The following BCAT2 variants were observed in gnomAD, a reference collection of about 807,000 sequenced individuals.
BCAT2 encodes branched-chain-amino-acid aminotransferase, mitochondrial.
Under a neutral mutation model 52.9 loss-of-function variants are expected in BCAT2, and 44 were observed. The ratio of observed to expected loss-of-function variants is 0.83; its 90% confidence interval spans 0.65 to 1.07. BCAT2 has a LOEUF of 1.07. Ranked by LOEUF, BCAT2 falls within the 50% of genes least tolerant of loss-of-function variation. The probability of loss-of-function intolerance (pLI) is 0.00; values close to 1 mark genes in which losing one functional copy is unlikely to be tolerated. For synonymous variants in BCAT2, 215 were observed against 217.1 expected (o/e 0.99, Z 0.08); for missense variants, 478 against 521.8 (o/e 0.92, Z 0.82).
intron 1 of BCAT2, chr19:48,808,390 C>G (rs7256054): frequency 2.7e-6 from 1 of 374,998 alleles, no homozygotes; most frequent in Non-Finnish European, 3.6e-6. Flanking sequence ...CAGAAAGGGG[C>G]GCACAAACAG....
Position 48,807,159 on chromosome 19 carries a change from G to C in BCAT2, c.25-85C>G. The C allele has an allele frequency of 8.6e-7, 1 of 1,163,300 alleles. No individual in the cohort carries two copies. The highest frequency in any genetic ancestry group is 1.2e-6 in the Non-Finnish European group (1 of 806,784). The allele number at this position is 1,163,300 out of a possible 1,614,324, so 72.1% of individuals were successfully genotyped here. The stretch of plus-strand genomic sequence containing the variant: ...TCGCTCGCCACCTCCTGCACTTGGA[G>C]GTCCCACTGGCCTGCCTGTTCTGTC... On this transcript the variant is annotated intron_variant, in intron 1 of 10. Transcript: ENST00000316273. The surrounding 1 kb of genome is among the most constrained non-coding windows in gnomAD (Gnocchi z 4.6).
At position 48,799,495 on chromosome 19, in the gene BCAT2, TC is replaced by T; in HGVS notation, c.695+179del. 1 of 773,444 alleles carries T rather than the reference TC, an allele frequency of 1.3e-6. No homozygotes were observed. Among genetic ancestry groups the T allele is most frequent in the Non-Finnish European group, 1.9e-6 (1 of 529,118 alleles). 47.9% of individuals were successfully genotyped at this position (773,444 alleles called of 1,614,324 possible). A position where few individuals can be genotyped will look rare whatever the true frequency, so the allele number is the denominator to read the frequency against. On this transcript the variant is annotated intron_variant, in intron 6 of 10. Coordinates refer to ENST00000316273, the MANE Select transcript of BCAT2 (RefSeq NM_001190.4). The surrounding 1 kb of genome is among the most constrained non-coding windows in gnomAD (Gnocchi z 5.5). ...GTCCATCTGAAAAATAATCCCCTCCTCCTTCCTTCCATGGTTTGTTTTCAGG... is the reference window on the plus strand; with the variant it reads ...GTCCATCTGAAAAATAATCCCCTCCTCTTCCTTCCATGGTTTGTTTTCAGG...
In BCAT2 at chr19:48,805,351, C is replaced by T. The variant is rs114001369; in HGVS notation, c.300+1166G>A. Among the ~76,000 whole-genome samples the T allele has an allele frequency of 7.9e-4, 120 of 152,250 alleles. 1 individual carries two copies. The highest frequency in any genetic ancestry group is 2.8e-3 in the African/African-American group (115 of 41,540). On this transcript the variant is annotated intron_variant, in intron 3 of 10. Coordinates refer to ENST00000316273, the MANE Select transcript of BCAT2 (RefSeq NM_001190.4). ...CTGGTCACCAGCCCGGCTTCCTAGC[C>T]TGCAACTCTTGCCCTCCACATGGCC...
Position 48,799,800 on chromosome 19 carries a change from C to T in BCAT2, c.570G>A (p.Leu190=). Residue 190 remains leucine, a synonymous_variant, in exon 6 of 11, where the codon CTG becomes CTA. Coordinates refer to ENST00000316273, the MANE Select transcript of BCAT2 (RefSeq NM_001190.4). This position sits in a 1 kb window ranked among gnomAD's most constrained non-coding sequence, Gnocchi z 5.5. ...LGVSQPTRAL[L]FVILCPVGAY... ...CACCCACTGGGCAGAGAATGACGAA[C>T]AGGAGCGCGCGCGTGGGCTGGCTGA... The T allele has an allele frequency of 6.4e-7, 1 of 1,560,968 alleles. No individual in the cohort carries two copies.
Position 48,807,350 on chromosome 19 carries a change from G to T in BCAT2, c.25-276C>A. 2.7e-6 allele frequency: 1 copy of T among 372,804 alleles called. No individual in the cohort carries two copies. The highest frequency in any genetic ancestry group is 4.9e-6 in the Non-Finnish European group (1 of 202,962). 23.1% of individuals were successfully genotyped at this position (372,804 alleles called of 1,614,324 possible). A position where few individuals can be genotyped will look rare whatever the true frequency, so the allele number is the denominator to read the frequency against. ...CCTCCCACCCCAGAGACCTTTGGTC[G>T]CAGCCTGGAGATCAGCTCAGACAAG... On this transcript the variant is annotated intron_variant, in intron 1 of 10. Transcript: ENST00000316273. This position sits in a 1 kb window ranked among gnomAD's most constrained non-coding sequence, Gnocchi z 4.6.
At position 48,795,184 on chromosome 19, in the gene BCAT2, T is replaced by C. The variant is rs2034469918; in HGVS notation, c.*242A>G. On this transcript the variant is annotated 3_prime_UTR_variant, in exon 11 of 11. Coordinates refer to ENST00000316273, the MANE Select transcript of BCAT2 (RefSeq NM_001190.4). ...CGGAATCGGGGCCAAGGTGTATCCT[T>C]GACCGCACGACAAGGAGTAATGGGC... 1.0e-5 allele frequency: 6 copies of C among 596,318 alleles called. No individual in the cohort carries two copies. The highest frequency in any genetic ancestry group is 3.0e-6 in the Non-Finnish European group (1 of 332,612). 36.9% of individuals were successfully genotyped at this position (596,318 alleles called of 1,614,324 possible).
chr19:48,800,118 T>C lies in BCAT2; in HGVS notation c.412-18A>G. 6.2e-7 allele frequency: 1 copy of C among 1,613,726 alleles called. No individual in the cohort carries two copies. The highest frequency in any genetic ancestry group is 8.5e-7 in the Non-Finnish European group (1 of 1,179,766). On this transcript the variant is annotated intron_variant, in intron 4 of 10. Coordinates refer to ENST00000316273, the MANE Select transcript of BCAT2 (RefSeq NM_001190.4). ...TCGAAACTCTGGGTGGGATTCTGAA[T>C]GAGTCAAGGGGCCCTTGCTGCCCCG... is the stretch of plus-strand genomic sequence containing the variant.
intron 3 of BCAT2, among the ~76,000 whole-genome samples, chr19:48,805,082 G>A (rs1404696990): frequency 6.6e-6 from 1 of 152,160 alleles, no homozygotes; most frequent in Non-Finnish European, 1.5e-5. Context: ...ACAGAACTGT[G>A]CCCTGGAGGA....
intron 1 of BCAT2, chr19:48,810,691 C>T (rs2034899657): frequency 1.0e-6 from 1 of 981,686 alleles, no homozygotes; most frequent in Admixed American, 4.1e-5. Flanking sequence ...CACAACCTCC[C>T]CACCCCCACG....
In BCAT2 at chr19:48,807,604, G is replaced by T; in HGVS notation, c.25-530C>A. 1.5e-6 allele frequency: 1 copy of T among 648,580 alleles called. No individual in the cohort carries two copies. Among genetic ancestry groups the T allele is most frequent in the Non-Finnish European group, 1.9e-6 (1 of 520,504 alleles). The allele number at this position is 648,580 out of a possible 1,614,324, so 40.2% of individuals were successfully genotyped here. On this transcript the variant is annotated intron_variant, in intron 1 of 10. Coordinates refer to ENST00000316273, the MANE Select transcript of BCAT2 (RefSeq NM_001190.4). This position sits in a 1 kb window ranked among gnomAD's most constrained non-coding sequence, Gnocchi z 4.6. ...TCCTCCCTCAGACCCTGGAGTCCAG[G>T]CCTCAGACCCTCCTCCCTTACATCC...
intron 3 of BCAT2, among the ~76,000 whole-genome samples, chr19:48,804,839 G>A (rs2034730854): frequency 6.6e-6 from 1 of 152,194 alleles, no homozygotes; most frequent in Non-Finnish European, 1.5e-5. Flanking sequence ...AGCTTCCTGG[G>A]GGCTCAGCAG....
chr19:48,799,378 G>C lies in BCAT2; in HGVS notation c.695+297C>G. Reference sequence around the variant, plus strand: ...TTCTGGGGCGAGAAGCCAATGAGCTGAGTGTAAGCTTCACTCCTGGAGGCT... The same window carrying C: ...TTCTGGGGCGAGAAGCCAATGAGCTCAGTGTAAGCTTCACTCCTGGAGGCT... On this transcript the variant is annotated intron_variant, in intron 6 of 10. Transcript: ENST00000316273. This position sits in a 1 kb window ranked among gnomAD's most constrained non-coding sequence, Gnocchi z 5.5. 1 of 334,312 alleles carries C rather than the reference G, an allele frequency of 3.0e-6. No individual in the cohort carries two copies. Among genetic ancestry groups the C allele is most frequent in the Non-Finnish European group, 5.4e-6 (1 of 185,764 alleles). 20.7% of individuals were successfully genotyped at this position (334,312 alleles called of 1,614,324 possible).
At chr19:48,798,656 G>A (rs1316454846) in intron 6 of BCAT2, among the ~76,000 whole-genome samples, 4 of 150,380 alleles carry the variant, frequency 2.7e-5, no homozygotes, top group South Asian at 4.2e-4. Flanking sequence ...ATGGAGTTTC[G>A]CTCTGTCGCC....
At chr19:48,801,643 T>C (rs761181639) in intron 3 of BCAT2, among the ~76,000 whole-genome samples, 10 of 152,082 alleles carry the variant, frequency 6.6e-5, no homozygotes, top group Non-Finnish European at 1.5e-4. Flanking sequence ...ATTGGGAATT[T>C]TATTTTTTAT....
At chr19:48,810,555 C>G (rs1390530791) in intron 1 of BCAT2, among the ~76,000 whole-genome samples, 1 of 151,948 alleles carries the variant, frequency 6.6e-6, no homozygotes, top group Non-Finnish European at 1.5e-5. Flanking sequence ...AGTCCAATTC[C>G]CAGAGCTGAG....
chr19:48,802,323 C>T (rs963542110), intron 3 of BCAT2, among the ~76,000 whole-genome samples: 4 of 151,678 alleles, frequency 2.6e-5, no homozygotes, highest in Non-Finnish European at 2.9e-5. Flanking sequence ...GTAGATGTGG[C>T]GATACGTATC....
At position 48,797,246 on chromosome 19, in the gene BCAT2, CTGG is replaced by C; in HGVS notation, c.780_782del (p.His260del). On this transcript the variant is annotated inframe_deletion, in exon 7 of 11. Transcript: ENST00000316273. Reference sequence around the variant, plus strand: ...TGTTCATGGTTCCCACCTCGGTGAGCTGGTGGTCGGGCCCATACAGCCAGAGGA... The same window carrying C: ...TGTTCATGGTTCCCACCTCGGTGAGCTGGTCGGGCCCATACAGCCAGAGGA... 6.2e-7 allele frequency: 1 copy of C among 1,614,004 alleles called. No homozygotes were observed. Among genetic ancestry groups the C allele is most frequent in the Non-Finnish European group, 8.5e-7 (1 of 1,179,960 alleles).
intron 10 of BCAT2, 39 bp from the exon 11 acceptor site, chr19:48,795,503 C>T (rs758075153): frequency 1.2e-6 from 2 of 1,611,012 alleles, no homozygotes; most frequent in Non-Finnish European, 1.7e-6. Flanking sequence ...GTGGAAGCTG[C>T]ACTACAACTC....
At chr19:48,806,785 G>T in intron 2 of BCAT2, 68 bp from the exon 3 acceptor site, 1 of 1,568,622 alleles carries the variant, frequency 6.4e-7, no homozygotes, top group South Asian at 1.1e-5. Context: ...CAACTCCCAT[G>T]AAGCCCTGGG....
Sources: allele counts gnomAD v4.1 joint callset (sites outside exome capture counted in the v4.1 genomes callset), GRCh38; gene constraint gnomAD v4.1.1; non-coding constraint Gnocchi (gnomAD v3.1); transcripts MANE v1.5; gene names NCBI Gene and HGNC (gene_info 2026-07-23, HGNC 2026-07-21).